Variants in TRPC1 observed in about 807,000 individuals in gnomAD.
TRPC1 encodes the protein short transient receptor potential channel 1.
A neutral mutation model predicts 88.2 loss-of-function variants in TRPC1; 42 were observed. The ratio of observed to expected loss-of-function variants is 0.48; its 90% CI spans 0.37 to 0.62. TRPC1 has a LOEUF of 0.62. TRPC1 is among the 20% of genes least tolerant of loss of function. TRPC1 has a pLI of 0.00. For missense variants in TRPC1, 699 were observed against 957.3 expected (o/e 0.73, Z 3.56); for synonymous variants, 288 against 331.8 (o/e 0.87, Z 1.43).
chr3:142,759,877 G>T (rs1459541411), intron 4 of TRPC1, among the ~76,000 whole-genome samples: 2 of 152,132 alleles, frequency 1.3e-5, no homozygotes, highest in African/African-American at 4.8e-5. Flanking sequence ...GTGTAAGGAA[G>T]GGAGTCTTGC....
intron 1 of TRPC1, among the ~76,000 whole-genome samples, chr3:142,731,708 ACT>A (rs778594998): frequency 8.6e-5 from 13 of 151,252 alleles, no homozygotes; most frequent in Non-Finnish European, 1.8e-4. Flanking sequence ...TTAACCGATA[ACT>A]CTAGCTGTGG....
chr3:142,748,794 T>A (rs900296623), intron 4 of TRPC1, among the ~76,000 whole-genome samples: 1 of 152,198 alleles, frequency 6.6e-6, no homozygotes, highest in Non-Finnish European at 1.5e-5. Flanking sequence ...ACCTCCTATC[T>A]CATTTATAAA....
intron 4 of TRPC1, among the ~76,000 whole-genome samples, chr3:142,756,445 C>T (rs1212061325): frequency 6.6e-6 from 1 of 151,608 alleles, no homozygotes; most frequent in Admixed American, 6.6e-5. Context: ...CTGCAAGCTC[C>T]GCCTCCCGGG....
intron 1 of TRPC1, among the ~76,000 whole-genome samples, chr3:142,727,566 G>A (rs1448488365): frequency 6.6e-6 from 1 of 152,178 alleles, no homozygotes; most frequent in Non-Finnish European, 1.5e-5. Flanking sequence ...ATGGCTGTTA[G>A]TGATCTTCAT....
At chr3:142,736,636 C>T (rs1360482685) in intron 2 of TRPC1, 103 bp downstream of exon 2, 4 of 1,081,626 alleles carry the variant, frequency 3.7e-6, no homozygotes, top group Non-Finnish European at 5.1e-6. Context: ...TCCTCTTCTT[C>T]CTTTCTTTTT....
intron 4 of TRPC1, among the ~76,000 whole-genome samples, chr3:142,761,335 T>G (rs1935178051): frequency 6.6e-6 from 1 of 152,172 alleles, no homozygotes; most frequent in African/African-American, 2.4e-5. Flanking sequence ...AATCATATGG[T>G]TTTTGTTCTT....
chr3:142,757,632 C>T (rs997296839), intron 4 of TRPC1, among the ~76,000 whole-genome samples: 4 of 134,738 alleles, frequency 3.0e-5, no homozygotes, highest in East Asian at 2.3e-4. Context: ...CATCACACAC[C>T]GGGGCCTCTT....
At chr3:142,782,117 A>G (rs1935977268) in intron 6 of TRPC1, among the ~76,000 whole-genome samples, 3 of 152,168 alleles carry the variant, frequency 2.0e-5, no homozygotes, top group Admixed American at 2.0e-4. Context: ...AATTAAAGTG[A>G]TTTAAAAAAA....
At chr3:142,766,251 G>A (rs1210397327) in intron 4 of TRPC1, among the ~76,000 whole-genome samples, 2 of 152,078 alleles carry the variant, frequency 1.3e-5, no homozygotes, top group Non-Finnish European at 2.9e-5. Context: ...TGCCAAAGGA[G>A]ATTAACATTT....
chr3:142,785,014 A>C lies in TRPC1; in HGVS notation c.1271A>C (p.Asp424Ala), dbSNP rs1936087063. ...ATGGGGCCAGCCCTTGAAAGAATAG[A>C]CTATCTTCTTATTCTGTGGATTATT... The part of the protein sequence containing the change: ...NTMGPALERI[D>A]YLLILWIIGM... Residue 424 changes from aspartate (D) to alanine (A), a missense_variant, in exon 7 of 13, where the codon GAC (aspartate) becomes GCC (alanine). Asp to Ala is a moderately radical substitution (Grantham distance 126, BLOSUM62 -2). Coordinates refer to ENST00000476941, the MANE Select transcript of TRPC1 (RefSeq NM_001251845.2). 6.2e-7 allele frequency: 1 copy of C among 1,610,428 alleles called. No homozygotes were observed. The highest frequency in any genetic ancestry group is 8.5e-7 in the Non-Finnish European group (1 of 1,178,528).
At chr3:142,788,241 G>A (rs1578000235) in intron 7 of TRPC1, among the ~76,000 whole-genome samples, 1 of 152,170 alleles carries the variant, frequency 6.6e-6, no homozygotes, top group East Asian at 1.9e-4. Context: ...GGAGTAGATG[G>A]AGGGAGACCA....
Position 142,806,289 on chromosome 3 carries a change from T to C in TRPC1, c.*54T>C. ...TTTCAATAACAGATCCAAAAGACTA[T>C]ATTGCATAACTTGCAATGAAATTAA... On this transcript the variant is annotated 3_prime_UTR_variant, in exon 13 of 13. Transcript: ENST00000476941. 7.3e-7 allele frequency: 1 copy of C among 1,364,466 alleles called. No individual in the cohort carries two copies. Among genetic ancestry groups the C allele is most frequent in the East Asian group, 2.4e-5 (1 of 42,366 alleles). The allele number at this position is 1,364,466 out of a possible 1,614,324, so 84.5% of individuals were successfully genotyped here. A position where few individuals can be genotyped will look rare whatever the true frequency, so the allele number is the denominator to read the frequency against.
In TRPC1 at chr3:142,802,297, CTG is replaced by C; in HGVS notation, c.1714_1715del (p.Val572ArgfsTer5). ...KGYTSKEQKD[C>X]VGIFCEQQSN... ...GATATACTTCAAAGGAGCAGAAGGACTGTGTAGGCATCTTCTGTGAACAGCAA... is the reference window on the plus strand; with the variant it reads ...GATATACTTCAAAGGAGCAGAAGGACTGTAGGCATCTTCTGTGAACAGCAA... On this transcript the variant is annotated frameshift_variant, in exon 10 of 13. Coordinates refer to ENST00000476941, the MANE Select transcript of TRPC1 (RefSeq NM_001251845.2). LOFTEE classifies it high-confidence loss of function. 1.3e-6 allele frequency: 2 copies of C among 1,586,740 alleles called. No individual in the cohort carries two copies. The highest frequency in any genetic ancestry group is 1.7e-6 in the Non-Finnish European group (2 of 1,168,450).
intron 2 of TRPC1, among the ~76,000 whole-genome samples, chr3:142,741,212 CATTT>C (rs970501046): frequency 8.4e-5 from 9 of 107,176 alleles, no homozygotes; most frequent in African/African-American, 3.2e-4. Context: ...TAATTTAAAA[CATTT>C]ATTTCTCTCA....
At chr3:142,781,124 T>C in intron 6 of TRPC1, 95 bp downstream of exon 6, 2 of 1,005,312 alleles carry the variant, frequency 2.0e-6, no homozygotes, top group South Asian at 2.5e-5. Context: ...TGGGTTAAGA[T>C]CCTAGTTCTG....
chr3:142,763,985 C>CATATATATATATATATATAAATAA (rs1935292329), intron 4 of TRPC1, among the ~76,000 whole-genome samples: 1 of 23,874 alleles, frequency 4.2e-5, no homozygotes, highest in Admixed American at 3.4e-4. Flanking sequence ...TATATATATA[C>CATATATATATATATATATAAATAA]ACATACATAC....
intron 1 of TRPC1, among the ~76,000 whole-genome samples, chr3:142,730,774 T>C (rs918609434): frequency 6.6e-6 from 1 of 152,188 alleles, no homozygotes; most frequent in Non-Finnish European, 1.5e-5. Flanking sequence ...AATAAAACTT[T>C]CTGTTTTAAG....
At chr3:142,737,142 C>G (rs1037279519) in intron 2 of TRPC1, among the ~76,000 whole-genome samples, 2 of 151,488 alleles carry the variant, frequency 1.3e-5, no homozygotes, top group Non-Finnish European at 2.9e-5. Context: ...TCTAGAGATT[C>G]TGAAGGGAAT....
chr3:142,745,993 G>A (rs987016773), intron 3 of TRPC1, among the ~76,000 whole-genome samples: 2 of 152,094 alleles, frequency 1.3e-5, no homozygotes, highest in Admixed American at 6.5e-5. Flanking sequence ...TTGACCTAAG[G>A]TGATCTACCC....
Sources: gnomAD v4.1 joint callset for allele counts (sites outside exome capture counted in the v4.1 genomes callset) on GRCh38, gnomAD v4.1.1 for gene constraint, MANE v1.5 for transcripts, NCBI Gene and HGNC (gene_info 2026-07-23, HGNC 2026-07-21) for gene names.